Variants in ZFHX3 observed in about 807,000 individuals in gnomAD.
The protein encoded by ZFHX3 is zinc finger homeobox protein 3.
A neutral mutation model predicts 279.1 loss-of-function variants in ZFHX3; 42 were observed. That is an observed-to-expected ratio of 0.15 (90% CI 0.12 to 0.19). The LOEUF is 0.19. Ranked by LOEUF, ZFHX3 falls within the 10% of genes least tolerant of loss-of-function variation. The pLI is 1.00. For synonymous variants in ZFHX3, 2,293 were observed against 1,957.8 expected (o/e 1.17, Z -4.52); for missense variants, 4,981 against 4,754.0 (o/e 1.05, Z -1.40).
chr16:73,632,078 T>C (rs942173334), intron 2 of ZFHX3, among the ~76,000 whole-genome samples: 2 of 152,106 alleles, frequency 1.3e-5, no homozygotes, highest in Non-Finnish European at 2.9e-5. Context: ...AGAAAGAAAA[T>C]GGCCTAGGAC....
intron 2 of ZFHX3, among the ~76,000 whole-genome samples, chr16:73,546,694 GCT>G (rs2020116489): frequency 1.3e-5 from 1 of 74,912 alleles, no homozygotes; most frequent in Admixed American, 1.3e-4. Context: ...TGCTGCTGCT[GCT>G]GCTGCTGCTG....
At chr16:73,022,541 G>C (rs995307935) in intron 1 of ZFHX3, among the ~76,000 whole-genome samples, 1 of 152,162 alleles carries the variant, frequency 6.6e-6, no homozygotes, top group African/African-American at 2.4e-5. Flanking sequence ...CTGGATGCCA[G>C]TAGCATCCTC....
At chr16:73,878,938 AAGAT>A (rs1168094322) in intron 1 of ZFHX3, among the ~76,000 whole-genome samples, 1 of 105,000 alleles carries the variant, frequency 9.5e-6, no homozygotes, top group African/African-American at 5.1e-5. Context: ...CAAAAAAGAT[AAGAT>A]ATATATATAT....
At chr16:73,001,020 C>G (rs928292043) in intron 1 of ZFHX3, among the ~76,000 whole-genome samples, 1 of 152,196 alleles carries the variant, frequency 6.6e-6, no homozygotes, top group African/African-American at 2.4e-5. Context: ...TTGTGTAGTC[C>G]CCTCCCCTTG....
intron 1 of ZFHX3, among the ~76,000 whole-genome samples, chr16:73,831,127 C>T (rs1960984541): frequency 6.6e-6 from 1 of 152,202 alleles, no homozygotes; most frequent in Admixed American, 6.5e-5. Flanking sequence ...CATTCTAGAG[C>T]TTCTCCAGGC....
At chr16:73,078,283 C>T (rs889279483) in intron 8 of ZFHX3, among the ~76,000 whole-genome samples, 13 of 152,272 alleles carry the variant, frequency 8.5e-5, no homozygotes, top group Middle Eastern at 3.4e-3. Flanking sequence ...TTTCAGAATA[C>T]GCCTGGCACA....
At position 72,787,861 on chromosome 16, in the gene ZFHX3, G is replaced by A. The variant is rs150891901; in HGVS notation, c.10415C>T (p.Ala3472Val). The A allele has an allele frequency of 1.1e-5, 18 of 1,613,968 alleles. No individual in the cohort carries two copies. The highest frequency in any genetic ancestry group is 1.1e-4 in the African/African-American group (8 of 75,050). Residue 3472 changes from alanine (A) to valine (V), a missense_variant, in exon 10 of 10, where the codon GCG (alanine) becomes GTG (valine). Transcript: ENST00000268489. The part of the protein sequence containing the change: ...QYKLVCRKCQ[A>V]GFSDEEAARS... ...CGCTGCCTCCTCGTCGCTGAAGCCC[G>A]CCTGGCACTTGCGGCAGACCAACTT...
chr16:73,272,785 C>T (rs9929037), intron 4 of ZFHX3, among the ~76,000 whole-genome samples: 2,603 of 152,214 alleles, frequency 0.017, 82 homozygotes, highest in African/African-American at 0.06. Flanking sequence ...GTTACTCTGT[C>T]GCCCAGGCTG....
intron 5 of ZFHX3, among the ~76,000 whole-genome samples, chr16:73,220,566 C>G (rs989120274): frequency 5.3e-5 from 8 of 152,116 alleles, no homozygotes; most frequent in African/African-American, 1.9e-4. Context: ...AGACCAGGCA[C>G]AGTGTGCATT....
At chr16:73,222,802 T>C (rs72797325) in intron 5 of ZFHX3, among the ~76,000 whole-genome samples, 26,603 of 152,092 alleles carry the variant, frequency 0.17, 2,528 homozygotes, top group Admixed American at 0.24. Context: ...GGACAGGTAC[T>C]AGCCAACGTC....
intron 7 of ZFHX3, among the ~76,000 whole-genome samples, chr16:73,101,562 A>T (rs181127220): frequency 8.6e-5 from 13 of 151,770 alleles, no homozygotes; most frequent in South Asian, 2.1e-4. Flanking sequence ...AAATTTTTTT[A>T]AATTTTTTTT....
intron 1 of ZFHX3, among the ~76,000 whole-genome samples, chr16:73,716,188 G>A (rs1163570473): frequency 6.6e-6 from 1 of 151,266 alleles, no homozygotes; most frequent in Non-Finnish European, 1.5e-5. Flanking sequence ...CAGTTTAGGG[G>A]AGGGAATGGG....
chr16:73,555,302 C>G (rs777863566), intron 2 of ZFHX3, among the ~76,000 whole-genome samples: 1 of 150,910 alleles, frequency 6.6e-6, no homozygotes, highest in Non-Finnish European at 1.5e-5. Flanking sequence ...CTACAGGCAC[C>G]CGCCACCACA....
intron 2 of ZFHX3, among the ~76,000 whole-genome samples, chr16:73,672,577 GA>G (rs1352682637): frequency 1.3e-5 from 2 of 151,948 alleles, no homozygotes; most frequent in Non-Finnish European, 2.9e-5. Context: ...TAGTAATATA[GA>G]AACTGAGCAT....
At chr16:73,514,260 A>T (rs548666090) in intron 2 of ZFHX3, among the ~76,000 whole-genome samples, 2 of 152,256 alleles carry the variant, frequency 1.3e-5, no homozygotes, top group African/African-American at 2.4e-5. Context: ...AAAAAAAATA[A>T]AAAATAAAAG....
At chr16:73,666,478 A>C (rs769816307) in intron 2 of ZFHX3, among the ~76,000 whole-genome samples, 9 of 151,972 alleles carry the variant, frequency 5.9e-5, no homozygotes, top group Admixed American at 5.9e-4. Flanking sequence ...GGGATGATGG[A>C]AAGTTTCTGA....
chr16:72,788,974 C>T (rs951494933), intron 9 of ZFHX3, 126 bp from the exon 10 acceptor site: 291 of 1,373,138 alleles, frequency 2.1e-4, no homozygotes, highest in Non-Finnish European at 2.5e-4. Context: ...CCTCTCAAAA[C>T]GAACATTTCC....
chr16:73,887,205 G>T (rs1323844390), intron 1 of ZFHX3, among the ~76,000 whole-genome samples: 2 of 152,130 alleles, frequency 1.3e-5, no homozygotes, highest in African/African-American at 4.8e-5. Context: ...TATTCACAGA[G>T]ATCTCTAGCT....
At position 73,751,288 on chromosome 16, in the gene ZFHX3, G is replaced by A. The variant is rs998958345; in HGVS notation, c.-1607-71048C>T. 1.3e-4 allele frequency among the ~76,000 whole-genome samples: 20 copies of A among 152,154 alleles called. 1 individual carries two copies. The highest frequency in any genetic ancestry group is 1.5e-5 in the Non-Finnish European group (1 of 68,040). On this transcript the variant is annotated intron_variant, in intron 1 of 17. Transcript: ENST00000641206. ...GTGCCCATACTCTATTTGGCACTGAGTACAATGTTTTGAATAGATAATATA... is the reference window on the plus strand; with the variant it reads ...GTGCCCATACTCTATTTGGCACTGAATACAATGTTTTGAATAGATAATATA...
Sources: gnomAD v4.1 joint callset for allele counts (sites outside exome capture counted in the v4.1 genomes callset) on GRCh38, gnomAD v4.1.1 for gene constraint, MANE v1.5 for transcripts, NCBI Gene and HGNC (gene_info 2026-07-23, HGNC 2026-07-21) for gene names.